The following SLCO1C1 variants were observed in gnomAD, a reference collection of about 807,000 sequenced individuals.
The protein encoded by SLCO1C1 is OAT-RP-5.
Under a neutral mutation model 76.4 loss-of-function variants are expected in SLCO1C1, and 70 were observed. The ratio of observed to expected loss-of-function variants is 0.92; its 90% CI spans 0.76 to 1.12. SLCO1C1 has a LOEUF of 1.12. SLCO1C1 is among the 50% of genes most tolerant of loss of function. The probability of loss-of-function intolerance (pLI) is 0.00; values close to 1 mark genes in which losing one functional copy is unlikely to be tolerated. For synonymous variants in SLCO1C1, 306 were observed against 286.1 expected, an observed-to-expected ratio of 1.07 and a Z score of -0.70; for missense variants, 912 against 823.8, an observed-to-expected ratio of 1.11 and a Z score of -1.31.
Position 20,725,382 on chromosome 12 carries a change from GTATAA to G in SLCO1C1, c.1186+2133_1186+2137del, listed in dbSNP as rs548348215. 7.2e-3 allele frequency among the ~76,000 whole-genome samples: 967 copies of G among 134,860 alleles called. 13 individuals carry two copies. Among genetic ancestry groups the G allele is most frequent in the African/African-American group, 0.025 (927 of 37,092 alleles). 88.5% of individuals were successfully genotyped at this position (134,860 alleles called of 152,430 possible). ...TATTACATATAGTACAGATAATATA[GTATAA>G]TATATGATATATGGTAATACTATAA... On this transcript the variant is annotated intron_variant, in intron 9 of 14. Coordinates refer to ENST00000266509, the MANE Select transcript of SLCO1C1 (RefSeq NM_017435.5).
Position 20,752,968 on chromosome 12 carries a change from T to C in SLCO1C1, c.*440T>C, listed in dbSNP as rs1167503276. ...ATTACTCCTATAGTATTTTCTCCCA[T>C]AGCTGTCTTCATCTGTGTATTTTAA... is the stretch of plus-strand genomic sequence containing the variant. On this transcript the variant is annotated 3_prime_UTR_variant, in exon 15 of 15. Transcript: ENST00000266509. 1 of 152,356 alleles carries C rather than the reference T, an allele frequency of 6.6e-6. No individual in the cohort carries two copies. The highest frequency in any genetic ancestry group is 6.5e-5 in the Admixed American group (1 of 15,276). 9.4% of individuals were successfully genotyped at this position (152,356 alleles called of 1,614,324 possible).
In SLCO1C1 at chr12:20,750,786, T is replaced by G; in HGVS notation, c.1910T>G (p.Val637Gly). The G allele has an allele frequency of 1.2e-6, 2 of 1,613,944 alleles. No homozygotes were observed. Among genetic ancestry groups the G allele is most frequent in the Non-Finnish European group, 1.7e-6 (2 of 1,179,892 alleles). The change falls in exon 14 of 15, where the codon GTC (valine) becomes GGC (glycine). Residue 637 changes from valine to glycine, a missense_variant. Transcript: ENST00000266509. ...RGSCRLYDSN[V>G]FRHIYLGLTV... is the part of the protein sequence containing the mutation. ...TCATGCAGATTATATGATTCAAATG[T>G]CTTCAGGTACCAAATCAAAAGCATT... is the stretch of plus-strand genomic sequence containing the variant.
chr12:20,723,890 T>G (rs1257624376), intron 9 of SLCO1C1, among the ~76,000 whole-genome samples: 2 of 152,168 alleles, frequency 1.3e-5, no homozygotes, highest in African/African-American at 4.8e-5. Flanking sequence ...TTGGGACATA[T>G]TCCTTTATGA....
intron 10 of SLCO1C1, among the ~76,000 whole-genome samples, chr12:20,735,115 A>G (rs1948479134): frequency 1.3e-5 from 2 of 152,222 alleles, no homozygotes; most frequent in Admixed American, 6.5e-5. Flanking sequence ...TTAAACTTTC[A>G]ATACTATAAA....
chr12:20,710,911 C>T (rs965485422), intron 4 of SLCO1C1, among the ~76,000 whole-genome samples: 2 of 152,052 alleles, frequency 1.3e-5, no homozygotes, highest in African/African-American at 4.8e-5. Flanking sequence ...AGATGAGCCT[C>T]TATGGGTACT....
At chr12:20,711,722 A>T (rs975940954) in intron 5 of SLCO1C1, among the ~76,000 whole-genome samples, 2 of 152,226 alleles carry the variant, frequency 1.3e-5, no homozygotes, top group Non-Finnish European at 2.9e-5. Flanking sequence ...TTATGGAAAA[A>T]AAGCATTAAT....
In SLCO1C1 at chr12:20,721,789, C is replaced by A. The variant is rs747859492; in HGVS notation, c.776-15C>A. Reference sequence around the variant, plus strand: ...TTGCTGTTTGTATTACTTAGCCATCCCCTCTGTCTTTCAGATCACATAACC... The same window carrying A: ...TTGCTGTTTGTATTACTTAGCCATCACCTCTGTCTTTCAGATCACATAACC... On this transcript the variant is annotated splice_polypyrimidine_tract_variant and intron_variant, in intron 7 of 14. Transcript: ENST00000266509. 6.2e-7 allele frequency: 1 copy of A among 1,611,970 alleles called. No individual in the cohort carries two copies. The highest frequency in any genetic ancestry group is 1.1e-5 in the South Asian group (1 of 90,850).
At position 20,752,316 on chromosome 12, in the gene SLCO1C1, C is replaced by T. The variant is rs6487138; in HGVS notation, c.1927C>T (p.Leu643=). The T allele has an allele frequency of 0.53, 838,649 of 1,574,684 alleles. 228,998 individuals carry two copies. Among genetic ancestry groups the T allele is most frequent in the East Asian group, 0.62 (27,482 of 44,420 alleles). Residue 643 remains leucine (L), a synonymous_variant, in exon 15 of 15, where the codon CTG becomes TTG. Transcript: ENST00000266509. ...YDSNVFRHIY[L]GLTVILGTVS... ...TCTCTCTTCTTCTAGACATATATAT[C>T]TGGGACTAACTGTGATACTGGGCAC... is the stretch of plus-strand genomic sequence containing the variant.
chr12:20,702,835 T>C (rs1946586382), intron 3 of SLCO1C1, among the ~76,000 whole-genome samples: 1 of 151,848 alleles, frequency 6.6e-6, no homozygotes, highest in African/African-American at 2.4e-5. Context: ...GATGTTTTGA[T>C]GTTTTTCTCA....
At chr12:20,736,343 G>A (rs1474436539) in intron 10 of SLCO1C1, among the ~76,000 whole-genome samples, 1 of 150,688 alleles carries the variant, frequency 6.6e-6, no homozygotes. Flanking sequence ...TTTTGGGGGG[G>A]GGTGCAAATT....
intron 3 of SLCO1C1, among the ~76,000 whole-genome samples, chr12:20,705,457 TTCA>T (rs1286430338): frequency 6.6e-6 from 1 of 152,028 alleles, no homozygotes; most frequent in East Asian, 1.9e-4. Flanking sequence ...GTACATGTGT[TTCA>T]TCATTTTATT....
chr12:20,719,667 G>A (rs1473593198), intron 7 of SLCO1C1, among the ~76,000 whole-genome samples: 3 of 152,144 alleles, frequency 2.0e-5, no homozygotes, highest in Admixed American at 2.0e-4. Flanking sequence ...TTCAGAACAA[G>A]GCCTAACCCT....
At chr12:20,720,236 C>A (rs143915855) in intron 7 of SLCO1C1, among the ~76,000 whole-genome samples, 2 of 152,170 alleles carry the variant, frequency 1.3e-5, no homozygotes, top group East Asian at 3.9e-4. Context: ...TATTACTGCT[C>A]ATTGGCAATG....
In SLCO1C1 at chr12:20,722,996, T is replaced by C. The variant is rs948769246; in HGVS notation, c.1022-94T>C. 3.1e-5 allele frequency: 34 copies of C among 1,101,066 alleles called. No individual in the cohort carries two copies. In the African/African-American group the frequency reaches 5.2e-4, roughly 17 times the overall value. The allele number at this position is 1,101,066 out of a possible 1,614,324, so 68.2% of individuals were successfully genotyped here. A position where few individuals can be genotyped will look rare whatever the true frequency, so the allele number is the denominator to read the frequency against. ...TGACTACTCCCAAACTGTGTGACAA[T>C]GGGCCCCAGCCCTGTAAGTCCTGCC... On this transcript the variant is annotated intron_variant, in intron 8 of 14. Coordinates refer to ENST00000266509, the MANE Select transcript of SLCO1C1 (RefSeq NM_017435.5).
At chr12:20,696,242 T>C (rs573704213) in intron 1 of SLCO1C1, among the ~76,000 whole-genome samples, 1 of 152,284 alleles carries the variant, frequency 6.6e-6, no homozygotes, top group African/African-American at 2.4e-5. Flanking sequence ...CTGCAGCAAG[T>C]GCCGTGAGGC....
At position 20,721,894 on chromosome 12, in the gene SLCO1C1, C is replaced by T. The variant is rs756603669; in HGVS notation, c.866C>T (p.Ala289Val). ...LIAGIISLLAAVPFWYLPKSL... is the reference protein window; with the variant it reads ...LIAGIISLLAVVPFWYLPKSL... ...GCAGGAATCATAAGTCTTCTTGCAGCTGTGCCTTTCTGGTATTTACCAAAG... is the reference window on the plus strand; with the variant it reads ...GCAGGAATCATAAGTCTTCTTGCAGTTGTGCCTTTCTGGTATTTACCAAAG... Residue 289 changes from alanine to valine, a missense_variant, in exon 8 of 15, where the codon GCT becomes GTT. Physicochemically the swap from Ala to Val is moderately conservative, Grantham distance 64. Coordinates refer to ENST00000266509, the MANE Select transcript of SLCO1C1 (RefSeq NM_017435.5). The T allele has an allele frequency of 2.5e-6, 4 of 1,614,160 alleles. No homozygotes were observed. Among genetic ancestry groups the T allele is most frequent in the Admixed American group, 3.3e-5 (2 of 60,016 alleles).
chr12:20,729,710 G>T (rs1948182756), intron 9 of SLCO1C1, among the ~76,000 whole-genome samples: 1 of 151,532 alleles, frequency 6.6e-6, no homozygotes, highest in Non-Finnish European at 1.5e-5. Flanking sequence ...CTTGGAACCA[G>T]GAAGAATTCT....
intron 9 of SLCO1C1, among the ~76,000 whole-genome samples, chr12:20,728,286 C>G (rs1255640898): frequency 6.6e-6 from 1 of 151,992 alleles, no homozygotes. Flanking sequence ...TTTTCCATTT[C>G]TTGTTTTTGT....
At chr12:20,739,231 A>T (rs1175841055) in intron 11 of SLCO1C1, among the ~76,000 whole-genome samples, 2 of 152,188 alleles carry the variant, frequency 1.3e-5, no homozygotes, top group African/African-American at 4.8e-5. Context: ...CCCCAGTTGC[A>T]TAATAACAAA....
Sources: allele counts gnomAD v4.1 joint callset (sites outside exome capture counted in the v4.1 genomes callset), GRCh38; gene constraint gnomAD v4.1.1; transcripts MANE v1.5; gene names NCBI Gene and HGNC (gene_info 2026-07-23, HGNC 2026-07-21).